The following NDST4 variants were observed in gnomAD, a reference collection of about 807,000 sequenced individuals.
NDST4 encodes the protein N-heparan sulfate sulfotransferase 4.
In NDST4, 63 loss-of-function variants were observed where a neutral mutation model predicts 100.8. That is an observed-to-expected ratio of 0.62 (90% CI 0.51 to 0.77). NDST4 has a LOEUF of 0.77. NDST4 is among the 30% of genes least tolerant of loss of function. The pLI, the probability that NDST4 is intolerant of heterozygous loss-of-function variation, is 0.00. For missense variants in NDST4, 943 were observed against 1,018.4 expected, an observed-to-expected ratio of 0.93 and a Z score of 1.01; for synonymous variants, 377 against 361.8, an observed-to-expected ratio of 1.04 and a Z score of -0.48.
At chr4:115,049,194 A>T (rs1157531006) in intron 2 of NDST4, among the ~76,000 whole-genome samples, 2 of 152,126 alleles carry the variant, frequency 1.3e-5, no homozygotes, top group Non-Finnish European at 2.9e-5. Context: ...TTCGCAGCCC[A>T]GAGATGATAA....
At chr4:115,033,157 A>ATTTTTTTTT (rs1192796806) in intron 2 of NDST4, among the ~76,000 whole-genome samples, 1 of 59,948 alleles carries the variant, frequency 1.7e-5, no homozygotes, top group African/African-American at 5.8e-5. Context: ...ATATATATAT[A>ATTTTTTTTT]TTTTTTTTTT....
chr4:114,864,157 T>C (rs774007999), intron 7 of NDST4, among the ~76,000 whole-genome samples: 4 of 152,210 alleles, frequency 2.6e-5, no homozygotes, highest in African/African-American at 7.2e-5. Context: ...CAATTCAAGA[T>C]TGATGATCCT....
At chr4:114,830,766 T>C (rs1723179286) in intron 12 of NDST4, among the ~76,000 whole-genome samples, 1 of 152,232 alleles carries the variant, frequency 6.6e-6, no homozygotes. Flanking sequence ...GCAGATGTTT[T>C]AGAAGGATGA....
At chr4:114,925,851 G>T (rs1014934998) in intron 6 of NDST4, among the ~76,000 whole-genome samples, 4 of 152,166 alleles carry the variant, frequency 2.6e-5, no homozygotes, top group African/African-American at 9.6e-5. Context: ...TTTTAATGTT[G>T]CTCTTTGTGT....
chr4:114,934,698 T>G (rs1384875214), intron 6 of NDST4, among the ~76,000 whole-genome samples: 1 of 152,038 alleles, frequency 6.6e-6, no homozygotes, highest in African/African-American at 2.4e-5. Context: ...AGTTAATAGT[T>G]AATAGTAACA....
intron 6 of NDST4, among the ~76,000 whole-genome samples, chr4:114,892,495 A>G (rs930058004): frequency 1.3e-5 from 2 of 152,146 alleles, no homozygotes; most frequent in African/African-American, 2.4e-5. Context: ...TTACCTAAGT[A>G]GCCAATACTT....
intron 2 of NDST4, among the ~76,000 whole-genome samples, chr4:115,020,181 C>T (rs527821215): frequency 4.6e-5 from 7 of 151,952 alleles, no homozygotes; most frequent in Non-Finnish European, 8.8e-5. Flanking sequence ...CTAGGAAGAG[C>T]CTAAAACTTC....
chr4:115,052,729 T>A (rs1203706952), intron 2 of NDST4, among the ~76,000 whole-genome samples: 1 of 152,152 alleles, frequency 6.6e-6, no homozygotes, highest in Non-Finnish European at 1.5e-5. Flanking sequence ...CGGGTATGTC[T>A]TTATTAGCAT....
intron 2 of NDST4, among the ~76,000 whole-genome samples, chr4:115,066,806 G>A (rs533595246): frequency 4.5e-4 from 68 of 152,232 alleles, no homozygotes; most frequent in African/African-American, 1.6e-3. Flanking sequence ...AGGGTATCAA[G>A]ACCATCATTT....
At chr4:115,086,984 T>C (rs1403011891) in intron 1 of NDST4, among the ~76,000 whole-genome samples, 1 of 152,084 alleles carries the variant, frequency 6.6e-6, no homozygotes, top group Non-Finnish European at 1.5e-5. Context: ...TGGAACTTTG[T>C]ATTTATATTT....
At position 115,019,952 on chromosome 4, in the gene NDST4, G is replaced by A. The variant is rs185292525; in HGVS notation, c.979-42678C>T. Reference sequence around the variant, plus strand: ...CTGTATATTACAAATTAGCCAGTCTGTGTTATTGTGTTGTAGCAACACAAG... The same window carrying A: ...CTGTATATTACAAATTAGCCAGTCTATGTTATTGTGTTGTAGCAACACAAG... On this transcript the variant is annotated intron_variant, in intron 2 of 13. Transcript: ENST00000264363. 1.9e-3 allele frequency among the ~76,000 whole-genome samples: 287 copies of A among 152,178 alleles called. 1 individual carries two copies. Among genetic ancestry groups the A allele is most frequent in the African/African-American group, 6.7e-3 (279 of 41,552 alleles).
chr4:114,944,399 C>G (rs1433155552), intron 4 of NDST4, among the ~76,000 whole-genome samples: 2 of 152,188 alleles, frequency 1.3e-5, no homozygotes, highest in Non-Finnish European at 2.9e-5. Flanking sequence ...CTCTGATGAT[C>G]TTTTTTCGCC....
intron 2 of NDST4, among the ~76,000 whole-genome samples, chr4:115,048,493 C>G (rs866554543): frequency 1.2e-3 from 184 of 152,202 alleles, no homozygotes; most frequent in African/African-American, 4.3e-3. Flanking sequence ...CAGATTATTG[C>G]ATTTTGATCA....
chr4:115,048,581 C>T (rs969241597), intron 2 of NDST4, among the ~76,000 whole-genome samples: 6 of 152,086 alleles, frequency 3.9e-5, no homozygotes, highest in African/African-American at 9.7e-5. Flanking sequence ...CCACCGTGCC[C>T]GACCCACATT....
intron 2 of NDST4, among the ~76,000 whole-genome samples, chr4:114,984,853 T>G (rs530577701): frequency 1.3e-5 from 2 of 152,324 alleles, no homozygotes; most frequent in South Asian, 4.2e-4. Context: ...TGAAGATGAA[T>G]AGGGCTGACC....
intron 1 of NDST4, among the ~76,000 whole-genome samples, chr4:115,105,636 C>A (rs1000418732): frequency 2.0e-5 from 3 of 152,106 alleles, no homozygotes; most frequent in African/African-American, 7.2e-5. Context: ...TGGTAGCCAG[C>A]ATTTATTTTC....
Position 115,014,192 on chromosome 4 carries a change from G to A in NDST4, c.979-36918C>T, listed in dbSNP as rs146189112. 1.5e-3 allele frequency among the ~76,000 whole-genome samples: 226 copies of A among 152,190 alleles called. 2 individuals carry two copies. The highest frequency in any genetic ancestry group is 5.1e-3 in the African/African-American group (211 of 41,552). The stretch of plus-strand genomic sequence containing the variant: ...GTGTTTGGCTGGTAAGGCCAGCAAT[G>A]CTTTTGCACTACCCTGAGTCTCATG... On this transcript the variant is annotated intron_variant, in intron 2 of 13. Coordinates refer to ENST00000264363, the MANE Select transcript of NDST4 (RefSeq NM_022569.3).
chr4:115,015,910 G>A (rs971082699), intron 2 of NDST4, among the ~76,000 whole-genome samples: 1 of 152,032 alleles, frequency 6.6e-6, no homozygotes, highest in Non-Finnish European at 1.5e-5. Flanking sequence ...AAGGTAATCA[G>A]TCTGCTGCTT....
intron 8 of NDST4, among the ~76,000 whole-genome samples, chr4:114,851,265 A>G (rs1723670185): frequency 6.6e-6 from 1 of 152,206 alleles, no homozygotes; most frequent in African/African-American, 2.4e-5. Context: ...AGAACAAACT[A>G]TGACTTCAGA....
Sources: allele counts gnomAD v4.1 joint callset (sites outside exome capture counted in the v4.1 genomes callset), GRCh38; gene constraint gnomAD v4.1.1; transcripts MANE v1.5; gene names NCBI Gene and HGNC (gene_info 2026-07-23, HGNC 2026-07-21).